RPS3A: variants seen among roughly 807,000 people sequenced by gnomAD.
RPS3A encodes small ribosomal subunit protein eS1.
In RPS3A, 1 loss-of-function variant was observed where a neutral mutation model predicts 26.4. The ratio of observed to expected loss-of-function variants is 0.04; its 90% CI spans 0.01 to 0.18. The LOEUF is 0.18. Ranked by LOEUF, RPS3A falls within the 10% of genes least tolerant of loss-of-function variation. The probability of loss-of-function intolerance (pLI) is 1.00; values close to 1 mark genes in which losing one functional copy is unlikely to be tolerated. For missense variants in RPS3A, 139 were observed against 326.8 expected, an observed-to-expected ratio of 0.43 and a Z score of 4.43; for synonymous variants, 97 against 106.1, an observed-to-expected ratio of 0.91 and a Z score of 0.53.
At chr4:151,102,476 ATG>A (rs68077379) in intron 3 of RPS3A, among the ~76,000 whole-genome samples, 120,577 of 151,946 alleles carry the variant, frequency 0.79, 49,494 homozygotes, top group Non-Finnish European at 0.91. Context: ...ATCACTGTAG[ATG>A]TGTTCATACC....
In RPS3A at chr4:151,099,630, C is replaced by T. The variant is rs368150942; in HGVS notation, c.-23C>T. ...TTCTCGCGCGACTCCCACTTCCGCC[C>T]TTTTGGCTCTCTGACCAGCACCATG... On this transcript the variant is annotated 5_prime_UTR_variant, in exon 1 of 6. Transcript: ENST00000274065. 443 of 1,612,538 alleles carry T rather than the reference C, an allele frequency of 2.7e-4. 2 individuals are homozygous for T. Among genetic ancestry groups the T allele is most frequent in the South Asian group, 2.0e-3 (186 of 90,868 alleles).
intron 3 of RPS3A, among the ~76,000 whole-genome samples, 178 bp downstream of exon 3, chr4:151,101,340 G>T (rs1747105724): frequency 6.6e-6 from 1 of 152,180 alleles, no homozygotes; most frequent in African/African-American, 2.4e-5. Context: ...CTCTGGGGTT[G>T]CCACACCATA....
In RPS3A at chr4:151,099,846, C is replaced by T. The variant is rs1747037177; in HGVS notation, c.62+132C>T. ...GTGCGGGCCGTGGCGGGTTGGTGCACCCAGGAACGCGGCCTGGAGGGTCGG... is the reference window on the plus strand; with the variant it reads ...GTGCGGGCCGTGGCGGGTTGGTGCATCCAGGAACGCGGCCTGGAGGGTCGG... On this transcript the variant is annotated intron_variant, in intron 1 of 5. Transcript: ENST00000274065. 7.1e-6 allele frequency: 7 copies of T among 987,860 alleles called. No homozygotes were observed. The East Asian group carries it at 7.8e-5, about 11-fold the overall frequency. The allele number at this position is 987,860 out of a possible 1,614,324, so 61.2% of individuals were successfully genotyped here.
intron 3 of RPS3A, among the ~76,000 whole-genome samples, chr4:151,102,465 A>G (rs1747165265): frequency 3.2e-5 from 2 of 62,288 alleles, no homozygotes; most frequent in Non-Finnish European, 5.6e-5. Context: ...AAAATGACAT[A>G]ATCACTGTAG....
In RPS3A at chr4:151,104,576, G is replaced by C; in HGVS notation, c.778G>C (p.Val260Leu). 6.4e-7 allele frequency: 1 copy of C among 1,565,378 alleles called. No individual in the cohort carries two copies. Among genetic ancestry groups the C allele is most frequent in the Non-Finnish European group, 8.5e-7 (1 of 1,171,230 alleles). ...ACGAGCTGATGGATATGAACCACCA[G>C]TCCAAGAATCTGTTTAAAGTTCAGA... is the stretch of plus-strand genomic sequence containing the variant. The part of the protein sequence containing the change: ...VERADGYEPP[V>L]QESV Residue 260 changes from valine (V) to leucine (L), a missense_variant, in exon 6 of 6, where the codon GTC (valine) becomes CTC (leucine). Around this residue, in one of 3 missense-constraint regions of RPS3A, gnomAD observed 96 missense variants for 209.8 expected, o/e 0.46. Transcript: ENST00000274065.
chr4:151,104,439 G>GTTTT (rs386401872), intron 5 of RPS3A, 33 bp from the exon 6 acceptor site: 91,459 of 667,322 alleles, frequency 0.14, 1,165 homozygotes, highest in Non-Finnish European at 0.15. Flanking sequence ...CAGTTTTTTG[G>GTTTT]TTTTTTTTTT....
At chr4:151,103,628 G>A in intron 4 of RPS3A, 1 of 1,070,212 alleles carries the variant, frequency 9.3e-7, no homozygotes, top group Non-Finnish European at 1.1e-6. Flanking sequence ...TAAGTTGAGT[G>A]GGGTGGGATG....
intron 4 of RPS3A, chr4:151,103,956 A>G: frequency 6.6e-7 from 1 of 1,517,864 alleles, no homozygotes; most frequent in Non-Finnish European, 8.9e-7. Flanking sequence ...GACTCAGAAG[A>G]CTCTACTAAC....
At chr4:151,103,945 G>C in intron 4 of RPS3A, 1 of 1,520,500 alleles carries the variant, frequency 6.6e-7, no homozygotes, top group Middle Eastern at 1.7e-4. Context: ...CATAAGGCTT[G>C]GACTCAGAAG....
Position 151,099,788 on chromosome 4 carries a change from C to T in RPS3A, c.62+74C>T, listed in dbSNP as rs1406069132. On this transcript the variant is annotated intron_variant, in intron 1 of 5. Coordinates refer to ENST00000274065, the MANE Select transcript of RPS3A (RefSeq NM_001006.5). ...TCGGCGGGCTGGTCCTAGATCGCGG[C>T]GTAGGCCGGATGGCGAGGATTCCAG... 11 of 1,469,380 alleles carry T rather than the reference C, an allele frequency of 7.5e-6. No individual in the cohort carries two copies. The Admixed American group carries it at 1.4e-4, about 18-fold the overall frequency. 91.0% of individuals were successfully genotyped at this position (1,469,380 alleles called of 1,614,324 possible).
intron 3 of RPS3A, chr4:151,101,982 C>G: frequency 2.1e-6 from 1 of 487,244 alleles, no homozygotes; most frequent in South Asian, 1.5e-5. Context: ...ATCTGCCCGC[C>G]TCAGCCTCTC....
chr4:151,100,105 G>C (rs1747052804), intron 1 of RPS3A: 1 of 520,042 alleles, frequency 1.9e-6, no homozygotes, highest in Non-Finnish European at 3.7e-6. Flanking sequence ...TGGAATCTGC[G>C]AGCTCCTGCT....
At chr4:151,101,755 AGATTGAGTCTCTTATCGTCCGGGCT>A (rs1396669695) in intron 3 of RPS3A, among the ~76,000 whole-genome samples, 2 of 151,902 alleles carry the variant, frequency 1.3e-5, no homozygotes, top group East Asian at 3.9e-4. Flanking sequence ...TGTTTTTGGG[AGATTGAGTCTCTTATCGTCCGGGCT>A]GGAGTGCAGT....
chr4:151,104,105 A>G, intron 4 of RPS3A, 72 bp from the exon 5 acceptor site: 4 of 1,482,170 alleles, frequency 2.7e-6, no homozygotes, highest in South Asian at 2.6e-5. Flanking sequence ...AGGCTTCTCT[A>G]CTTTTAAAGG....
intron 3 of RPS3A, among the ~76,000 whole-genome samples, chr4:151,101,835 G>C (rs1331309133): frequency 6.6e-6 from 1 of 151,918 alleles, no homozygotes; most frequent in African/African-American, 2.4e-5. Context: ...TGGGTTCAAG[G>C]GATTCTCATG....
At chr4:151,100,730 A>G in intron 2 of RPS3A, 142 bp downstream of exon 2, 1 of 649,574 alleles carries the variant, frequency 1.5e-6, no homozygotes, top group Non-Finnish European at 2.7e-6. Context: ...ACCTGTGGTG[A>G]TCATTTTTAG....
chr4:151,100,856 A>G lies in RPS3A; in HGVS notation c.167-119A>G, dbSNP rs192332685. On this transcript the variant is annotated intron_variant, in intron 2 of 5. Coordinates refer to ENST00000274065, the MANE Select transcript of RPS3A (RefSeq NM_001006.5). ...AGTCACTGGTGTCTGGATAGATTTG[A>G]TAACAAAGGTTAAGGTCTTTATAAT... The G allele has an allele frequency of 2.4e-4, 172 of 703,118 alleles. No individual in the cohort carries two copies. The African/African-American group carries it at 2.8e-3, about 11-fold the overall frequency. The allele number at this position is 703,118 out of a possible 1,614,324, so 43.6% of individuals were successfully genotyped here.
chr4:151,102,223 A>C (rs976588973), intron 3 of RPS3A: 8 of 293,580 alleles, frequency 2.7e-5, no homozygotes, highest in African/African-American at 1.4e-4. Flanking sequence ...CTAAGGTATA[A>C]AATTTACAAA....
Position 151,101,127 on chromosome 4 carries a change from C to T in RPS3A, c.319C>T (p.Arg107Cys), listed in dbSNP as rs772610299. 3 of 1,605,396 alleles carry T rather than the reference C, an allele frequency of 1.9e-6. No individual in the cohort carries two copies. Among genetic ancestry groups the T allele is most frequent in the Non-Finnish European group, 2.6e-6 (3 of 1,173,672 alleles). The change falls in exon 3 of 6, where the codon CGT becomes TGT. Residue 107 changes from arginine (R) to cysteine (C), a missense_variant. This residue lies in a region of RPS3A where 96 missense variants were observed against 209.8 expected (regional missense o/e 0.46). Coordinates refer to ENST00000274065, the MANE Select transcript of RPS3A (RefSeq NM_001006.5). ...LTNFHGMDLT[R>C]DKMCSMVKKW... ...TAACTTCCATGGCATGGATCTTACCCGTGACAAAATGTGTTCCATGGTCAA... is the reference window on the plus strand; with the variant it reads ...TAACTTCCATGGCATGGATCTTACCTGTGACAAAATGTGTTCCATGGTCAA...
Sources: gnomAD v4.1 joint callset for allele counts (sites outside exome capture counted in the v4.1 genomes callset) on GRCh38, gnomAD v4.1.1 for gene constraint, gnomAD v4.1.1 regional missense constraint, MANE v1.5 for transcripts, NCBI Gene and HGNC (gene_info 2026-07-23, HGNC 2026-07-21) for gene names.